The following SLMAP variants were observed in gnomAD, a reference collection of about 807,000 sequenced individuals.
SLMAP encodes the protein sarcolemmal membrane-associated protein.
In SLMAP, 44 loss-of-function variants were observed where a neutral mutation model predicts 128.8. The observed-to-expected ratio is 0.34, with a 90% confidence interval of 0.27 to 0.44. The LOEUF is 0.44. Ranked by LOEUF, SLMAP falls within the 20% of genes least tolerant of loss-of-function variation. SLMAP has a pLI of 1.00. For synonymous variants in SLMAP, 327 were observed against 348.8 expected, an observed-to-expected ratio of 0.94 and a Z score of 0.70; for missense variants, 787 against 985.3, an observed-to-expected ratio of 0.80 and a Z score of 2.69.
chr3:57,813,594 T>C (rs1033836646), intron 2 of SLMAP, among the ~76,000 whole-genome samples: 6 of 152,154 alleles, frequency 3.9e-5, no homozygotes, highest in African/African-American at 1.4e-4. Context: ...GAATTTTATT[T>C]TTGTCATTTT....
At chr3:57,912,326 A>G (rs1226359842) in intron 19 of SLMAP, 55 bp from the exon 20 acceptor site, 1 of 1,465,872 alleles carries the variant, frequency 6.8e-7, no homozygotes, top group African/African-American at 1.4e-5. Flanking sequence ...ACAATCCTGT[A>G]TGGATTATTC....
chr3:57,759,722 T>C (rs1474673417), intron 2 of SLMAP, among the ~76,000 whole-genome samples: 1 of 152,224 alleles, frequency 6.6e-6, no homozygotes, highest in Non-Finnish European at 1.5e-5. Context: ...TCTAAACTAA[T>C]CAGACAACAG....
chr3:57,814,917 G>T (rs375276217), intron 2 of SLMAP, among the ~76,000 whole-genome samples: 1 of 152,162 alleles, frequency 6.6e-6, no homozygotes, highest in South Asian at 2.1e-4. Context: ...GATCCTGGGA[G>T]GTTGAGGCTG....
intron 22 of SLMAP, chr3:57,918,603 A>T (rs1311237461): frequency 2.0e-5 from 3 of 152,158 alleles, no homozygotes; most frequent in Admixed American, 1.3e-4. Context: ...GTTTGTCCAG[A>T]TGTTAACATG....
chr3:57,871,627 CT>C lies in SLMAP; in HGVS notation c.1238-6del. The stretch of plus-strand genomic sequence containing the variant: ...ACTATATCCTTAAAGGTGTTTCTTT[CT>C]TTATTAGAGCACTTGCTTTCAAAGA... On this transcript the variant is annotated splice_region_variant and splice_polypyrimidine_tract_variant and intron_variant, in intron 13 of 24. Transcript: ENST00000671191. 6.2e-7 allele frequency: 1 copy of C among 1,609,878 alleles called. No homozygotes were observed. The highest frequency in any genetic ancestry group is 8.5e-7 in the Non-Finnish European group (1 of 1,176,750).
At chr3:57,837,934 G>T (rs1201926149) in intron 3 of SLMAP, among the ~76,000 whole-genome samples, 5 of 152,190 alleles carry the variant, frequency 3.3e-5, no homozygotes, top group African/African-American at 1.2e-4. Context: ...TTAGTCAGAC[G>T]TGGGTTATTT....
chr3:57,870,190 T>TTA lies in SLMAP; in HGVS notation c.1238-1435_1238-1434dup, dbSNP rs547900423. Among the ~76,000 whole-genome samples, 30 of 152,010 alleles carry TTA rather than the reference T, an allele frequency of 2.0e-4. No homozygotes were observed. In the East Asian group the frequency reaches 4.3e-3, roughly 22 times the overall value. On this transcript the variant is annotated intron_variant, in intron 13 of 24. Transcript: ENST00000671191. The stretch of plus-strand genomic sequence containing the variant: ...AGTTAAAATATCATTCCAAATGAGT[T>TTA]TATATATATATAACATGATGATGTA...
intron 2 of SLMAP, among the ~76,000 whole-genome samples, chr3:57,777,600 A>C (rs972343005): frequency 6.6e-6 from 1 of 152,172 alleles, no homozygotes; most frequent in Non-Finnish European, 1.5e-5. Context: ...GAATAAGAAA[A>C]GTTCAGAAGA....
intron 2 of SLMAP, among the ~76,000 whole-genome samples, chr3:57,778,932 GTTC>G (rs755734426): frequency 1.3e-5 from 2 of 152,050 alleles, no homozygotes; most frequent in South Asian, 2.1e-4. Flanking sequence ...TGACCCAGCA[GTTC>G]TTCTCCTAGG....
chr3:57,914,490 A>C (rs1422207906), intron 21 of SLMAP, among the ~76,000 whole-genome samples: 1 of 152,184 alleles, frequency 6.6e-6, no homozygotes, highest in African/African-American at 2.4e-5. Context: ...AATGGGACAA[A>C]ATAAAGGTCA....
At chr3:57,897,006 TA>T (rs2096260124) in intron 17 of SLMAP, 74 bp downstream of exon 17, 2 of 1,590,016 alleles carry the variant, frequency 1.3e-6, no homozygotes, top group South Asian at 2.3e-5. Context: ...CTGTTCTAGA[TA>T]TTATGTGAAG....
At chr3:57,856,525 C>T (rs1475238220) in intron 6 of SLMAP, among the ~76,000 whole-genome samples, 1 of 152,130 alleles carries the variant, frequency 6.6e-6, no homozygotes, top group Non-Finnish European at 1.5e-5. Context: ...ATCATTATCA[C>T]TATTTTCCAC....
At chr3:57,877,481 A>T (rs1229287410) in intron 14 of SLMAP, among the ~76,000 whole-genome samples, 1 of 152,244 alleles carries the variant, frequency 6.6e-6, no homozygotes. Flanking sequence ...AATAGAAAAC[A>T]TGTATTGTGT....
At chr3:57,759,286 T>C (rs2078163343) in intron 2 of SLMAP, among the ~76,000 whole-genome samples, 1 of 152,122 alleles carries the variant, frequency 6.6e-6, no homozygotes, top group South Asian at 2.1e-4. Flanking sequence ...ATCCTTTTTT[T>C]TTTTTTTTGA....
At chr3:57,815,567 A>C (rs2091744803) in intron 2 of SLMAP, among the ~76,000 whole-genome samples, 1 of 152,126 alleles carries the variant, frequency 6.6e-6, no homozygotes, top group Non-Finnish European at 1.5e-5. Flanking sequence ...AATAACCATA[A>C]AATATTATAT....
chr3:57,867,385 A>T (rs1434999926), intron 13 of SLMAP, among the ~76,000 whole-genome samples: 1 of 152,192 alleles, frequency 6.6e-6, no homozygotes, highest in Non-Finnish European at 1.5e-5. Context: ...TTCAGATGAA[A>T]ATAATAGTAG....
intron 2 of SLMAP, among the ~76,000 whole-genome samples, chr3:57,764,405 G>A (rs987170756): frequency 1.3e-5 from 2 of 151,914 alleles, no homozygotes; most frequent in Non-Finnish European, 2.9e-5. Flanking sequence ...GTGAGGCTGA[G>A]GCAGGATAAT....
chr3:57,865,384 A>T, intron 13 of SLMAP, 92 bp downstream of exon 13: 1 of 491,988 alleles, frequency 2.0e-6, no homozygotes, highest in Non-Finnish European at 3.5e-6. Flanking sequence ...AAGTGTTTGG[A>T]ATGAAAAGCA....
intron 23 of SLMAP, 151 bp from the exon 24 acceptor site, chr3:57,925,694 C>A: frequency 1.6e-6 from 1 of 626,832 alleles, no homozygotes; most frequent in Non-Finnish European, 2.9e-6. Flanking sequence ...TGTTAGATGT[C>A]TTTAAAATGT....
Sources: gnomAD v4.1 joint callset for allele counts (sites outside exome capture counted in the v4.1 genomes callset) on GRCh38, gnomAD v4.1.1 for gene constraint, MANE v1.5 for transcripts, NCBI Gene and HGNC (gene_info 2026-07-23, HGNC 2026-07-21) for gene names.